The following AP3D1 variants were observed in gnomAD, a reference collection of about 807,000 sequenced individuals.
AP3D1 encodes the protein adaptor related protein complex 3 subunit delta 1, also known as AP-3 complex subunit delta-1.
Under a neutral mutation model 147.6 loss-of-function variants are expected in AP3D1, and 51 were observed. That is an observed-to-expected ratio of 0.35 (90% CI 0.28 to 0.44). AP3D1 has a LOEUF of 0.44. AP3D1 is among the 20% of genes least tolerant of loss of function. The pLI, the probability that AP3D1 is intolerant of heterozygous loss-of-function variation, is 1.00. For synonymous variants in AP3D1, 760 were observed against 663.0 expected (o/e 1.15, Z -2.25); for missense variants, 1,421 against 1,624.2 (o/e 0.87, Z 2.15).
intron 9 of AP3D1, among the ~76,000 whole-genome samples, chr19:2,125,070 G>A (rs2018715406): frequency 6.6e-6 from 1 of 152,170 alleles, no homozygotes; most frequent in Non-Finnish European, 1.5e-5. Flanking sequence ...ATAAATCTCA[G>A]AAATCACCGC....
intron 21 of AP3D1, 101 bp downstream of exon 21, chr19:2,114,644 CCTG>C: frequency 1.3e-6 from 1 of 748,878 alleles, no homozygotes; most frequent in Non-Finnish European, 2.2e-6. Flanking sequence ...CCCACCCCAG[CCTG>C]CCCACCCTGC....
At chr19:2,132,053 C>T (rs941362842) in intron 5 of AP3D1, among the ~76,000 whole-genome samples, 1 of 152,198 alleles carries the variant, frequency 6.6e-6, no homozygotes, top group Non-Finnish European at 1.5e-5. Context: ...CCAGGGGCTT[C>T]CCAGGTTTTA....
At chr19:2,110,972 G>T (rs1045139467) in intron 26 of AP3D1, 76 bp from the exon 27 acceptor site, 1 of 1,482,272 alleles carries the variant, frequency 6.7e-7, no homozygotes, top group Non-Finnish European at 9.2e-7. Context: ...GTCTCTTAAT[G>T]ACCACAGAGG....
At chr19:2,130,267 C>A in intron 6 of AP3D1, 141 bp downstream of exon 6, 2 of 1,347,780 alleles carry the variant, frequency 1.5e-6, no homozygotes, top group Non-Finnish European at 1.0e-6. Flanking sequence ...AGGGGAGGCC[C>A]AGCCACCTCC....
intron 4 of AP3D1, among the ~76,000 whole-genome samples, chr19:2,135,190 G>C (rs1457899384): frequency 1.3e-5 from 2 of 151,876 alleles, no homozygotes; most frequent in Admixed American, 6.6e-5. Flanking sequence ...GACAGAGCAA[G>C]ACTCCATCTC....
upstream of AP3D1, among the ~76,000 whole-genome samples, chr19:2,155,117 G>C (rs570912194): frequency 6.6e-6 from 1 of 152,264 alleles, no homozygotes; most frequent in South Asian, 2.1e-4. Context: ...GGAGGTGGAG[G>C]TTGCAGTGAG....
chr19:2,114,868 C>T (rs1722251505), intron 20 of AP3D1, 47 bp from the exon 21 acceptor site: 1 of 1,598,372 alleles, frequency 6.3e-7, no homozygotes, highest in Admixed American at 1.7e-5. Flanking sequence ...CCCTTGTGGC[C>T]TGGTGGAACG....
Position 2,132,526 on chromosome 19 carries a change from G to C in AP3D1, c.407C>G (p.Ser136Cys). Residue 136 changes from serine to cysteine, a missense_variant, in exon 5 of 32, where the codon TCC (serine) becomes TGC (cysteine). Physicochemically the swap from Ser to Cys is moderately radical, Grantham distance 112. Transcript: ENST00000643116. ...GGCAAGGTCTGGGGTGACGAAGCAG[G>C]ACAGACCCGTCAGTGCAACACCTGT... The part of the protein sequence containing the change: ...YDTGVALTGL[S>C]CFVTPDLARD... The C allele has an allele frequency of 6.2e-7, 1 of 1,611,946 alleles. No individual in the cohort carries two copies. Among genetic ancestry groups the C allele is most frequent in the Non-Finnish European group, 8.5e-7 (1 of 1,178,266 alleles).
In AP3D1 at chr19:2,129,403, T is replaced by C. The variant is rs557007416; in HGVS notation, c.647A>G (p.Lys216Arg). The C allele has an allele frequency of 2.5e-5, 40 of 1,614,098 alleles. No individual in the cohort carries two copies. In the South Asian group the frequency reaches 4.2e-4, roughly 17 times the overall value. The change falls in exon 7 of 32, where the codon AAG (lysine) becomes AGG (arginine). Residue 216 changes from lysine to arginine, a missense_variant. By Grantham distance (26) the Lys-to-Arg change is conservative. Coordinates refer to ENST00000643116, the MANE Select transcript of AP3D1 (RefSeq NM_001261826.3). ...GAGCGGGGCCAGGGACAGGTAGTTC[T>C]TAGGGTTGCGTCTGGCCAGCTCGCA... ...VICELARRNP[K>R]NYLSLAPLFF...
Position 2,113,430 on chromosome 19 carries a change from G to C in AP3D1, c.2602-17C>G. On this transcript the variant is annotated splice_polypyrimidine_tract_variant and intron_variant, in intron 22 of 31. Coordinates refer to ENST00000643116, the MANE Select transcript of AP3D1 (RefSeq NM_001261826.3). ...GTCCTCAGCCTGAAACCACAAGACA[G>C]GCTGTCAGCAAACGCAGTGCAATGG... The C allele has an allele frequency of 1.4e-6, 2 of 1,445,396 alleles. No individual in the cohort carries two copies. Among genetic ancestry groups the C allele is most frequent in the South Asian group, 1.5e-5 (1 of 68,296 alleles). The allele number at this position is 1,445,396 out of a possible 1,614,324, so 89.5% of individuals were successfully genotyped here.
At chr19:2,153,853 T>G (rs1432366860), upstream of AP3D1, among the ~76,000 whole-genome samples, 1 of 151,966 alleles carries the variant, frequency 6.6e-6, no homozygotes, top group Non-Finnish European at 1.5e-5. Context: ...TTCTTTCCCC[T>G]CGCCCGAGAT....
intron 31 of AP3D1, among the ~76,000 whole-genome samples, chr19:2,107,723 G>C (rs1438167753): frequency 6.7e-6 from 1 of 148,770 alleles, no homozygotes; most frequent in East Asian, 2.0e-4. Flanking sequence ...CTGGGCGACA[G>C]AGCGAGACTC....
At chr19:2,114,638 C>CCCCCA in intron 21 of AP3D1, 110 bp downstream of exon 21, 1 of 684,784 alleles carries the variant, frequency 1.5e-6, no homozygotes, top group Non-Finnish European at 2.6e-6. Context: ...CCGCACCCCA[C>CCCCCA]CCCAGCCTGC....
At chr19:2,135,286 A>G (rs933089369) in intron 4 of AP3D1, among the ~76,000 whole-genome samples, 2 of 152,280 alleles carry the variant, frequency 1.3e-5, no homozygotes, top group East Asian at 3.9e-4. Context: ...CTGTAATCCC[A>G]GCACTTTGGG....
chr19:2,153,245 G>A (rs2019602655), upstream of AP3D1, among the ~76,000 whole-genome samples: 1 of 151,490 alleles, frequency 6.6e-6, no homozygotes, highest in Non-Finnish European at 1.5e-5. Context: ...GTGGTGGAGG[G>A]CACCTGTAAT....
At position 2,117,467 on chromosome 19, in the gene AP3D1, G is replaced by A. The variant is rs2018490574; in HGVS notation, c.1714-100C>T. 4 of 1,312,428 alleles carry A rather than the reference G, an allele frequency of 3.0e-6. No individual in the cohort carries two copies. In the East Asian group the frequency reaches 1.1e-4, roughly 36 times the overall value. 81.3% of individuals were successfully genotyped at this position (1,312,428 alleles called of 1,614,324 possible). On this transcript the variant is annotated intron_variant, in intron 15 of 31. Coordinates refer to ENST00000643116, the MANE Select transcript of AP3D1 (RefSeq NM_001261826.3). Reference sequence around the variant, plus strand: ...CTCAGCCCCTGGCACAGTGACGTGTGGGCCCCCTGGTACAGCCACATAGCC... The same window carrying A: ...CTCAGCCCCTGGCACAGTGACGTGTAGGCCCCCTGGTACAGCCACATAGCC...
chr19:2,129,600 G>A, intron 6 of AP3D1, 143 bp from the exon 7 acceptor site: 1 of 1,027,492 alleles, frequency 9.7e-7, no homozygotes, highest in Non-Finnish European at 1.4e-6. Context: ...TCCTCCTGGT[G>A]ACAGGGACAG....
chr19:2,164,238 C>A, intron 1 of AP3D1: 3 of 1,290,286 alleles, frequency 2.3e-6, no homozygotes, highest in Admixed American at 3.3e-5. Flanking sequence ...CTGAGCCCGC[C>A]GTCTACCCGT....
At chr19:2,141,020 A>G (rs112934101) in intron 1 of AP3D1, among the ~76,000 whole-genome samples, 3 of 152,090 alleles carry the variant, frequency 2.0e-5, no homozygotes, top group African/African-American at 7.2e-5. Context: ...CAGCCTCCCA[A>G]AGTGCCAGGA....
Sources: gnomAD v4.1 joint callset for allele counts (sites outside exome capture counted in the v4.1 genomes callset) on GRCh38, gnomAD v4.1.1 for gene constraint, MANE v1.5 for transcripts, NCBI Gene and HGNC (gene_info 2026-07-23, HGNC 2026-07-21) for gene names.